ATP8A2: variants seen among roughly 807,000 people sequenced by gnomAD.
The protein encoded by ATP8A2 is ATPase phospholipid transporting 8A2, also known as phospholipid-transporting ATPase IB.
ATP8A2 carries 100 observed loss-of-function variants against 165.6 expected under a neutral mutation model. The ratio of observed to expected loss-of-function variants is 0.60; its 90% CI spans 0.51 to 0.71. ATP8A2 has a LOEUF of 0.71. ATP8A2 is among the 30% of genes least tolerant of loss of function. ATP8A2 has a pLI of 0.00. For missense variants in ATP8A2, 1,227 were observed against 1,479.5 expected (o/e 0.83, Z 2.80); for synonymous variants, 543 against 548.8 (o/e 0.99, Z 0.15).
At chr13:25,598,196 C>T (rs1043417007) in intron 24 of ATP8A2, among the ~76,000 whole-genome samples, 12 of 152,242 alleles carry the variant, frequency 7.9e-5, no homozygotes, top group East Asian at 3.9e-4. Flanking sequence ...GACTCTTCCT[C>T]GACCCTCTAA....
At chr13:25,608,739 C>G (rs1346102700) in intron 24 of ATP8A2, among the ~76,000 whole-genome samples, 1 of 152,174 alleles carries the variant, frequency 6.6e-6, no homozygotes, top group African/African-American at 2.4e-5. Context: ...ACATCTATAT[C>G]TATCTGCATT....
chr13:26,000,562 C>G (rs1956612015), intron 35 of ATP8A2, among the ~76,000 whole-genome samples: 1 of 152,100 alleles, frequency 6.6e-6, no homozygotes, highest in Non-Finnish European at 1.5e-5. Context: ...TTTGTAAGGA[C>G]TTGTATGAGC....
chr13:25,560,318 T>G (rs1374812693), intron 15 of ATP8A2, among the ~76,000 whole-genome samples: 9 of 152,286 alleles, frequency 5.9e-5, no homozygotes, highest in Non-Finnish European at 1.2e-4. Flanking sequence ...CACTCCCTAT[T>G]CCCTGGAGGC....
intron 27 of ATP8A2, among the ~76,000 whole-genome samples, chr13:25,811,966 A>T (rs953679052): frequency 6.6e-6 from 1 of 152,118 alleles, no homozygotes; most frequent in African/African-American, 2.4e-5. Context: ...TTATCTTTTG[A>T]CTTCCTGTTT....
At position 25,769,183 on chromosome 13, in the gene ATP8A2, A is replaced by T; in HGVS notation, c.2522A>T (p.Asn841Ile). The T allele has an allele frequency of 8.1e-6, 13 of 1,613,992 alleles. No individual in the cohort carries two copies. Among genetic ancestry groups the T allele is most frequent in the Non-Finnish European group, 1.1e-5 (13 of 1,179,854 alleles). The change falls in exon 26 of 37, where the codon AAT becomes ATT. Residue 841 changes from asparagine to isoleucine, a missense_variant. Physicochemically the swap from Asn to Ile is moderately radical, Grantham distance 149. Around this residue, in one of 5 missense-constraint regions of ATP8A2, gnomAD observed 592 missense variants for 785.6 expected, o/e 0.75. Transcript: ENST00000381655. ...CACGTGGGTGTGGGAATCAGTGGGAATGAAGGCATGCAGGCCACCAACAAC... is the reference window on the plus strand; with the variant it reads ...CACGTGGGTGTGGGAATCAGTGGGATTGAAGGCATGCAGGCCACCAACAAC... Reference protein sequence around the residue: ...TAHVGVGISGNEGMQATNNSD... With the variant: ...TAHVGVGISGIEGMQATNNSD...
intron 30 of ATP8A2, among the ~76,000 whole-genome samples, chr13:25,842,880 G>C (rs1297157755): frequency 6.6e-6 from 1 of 152,134 alleles, no homozygotes; most frequent in East Asian, 1.9e-4. Context: ...GGCAATTTGG[G>C]AAAATAAACC....
chr13:25,637,611 A>G (rs1289140242), intron 24 of ATP8A2, among the ~76,000 whole-genome samples: 1 of 152,152 alleles, frequency 6.6e-6, no homozygotes, highest in Non-Finnish European at 1.5e-5. Flanking sequence ...GCGGCCAGGA[A>G]GCTCAAACTG....
intron 25 of ATP8A2, among the ~76,000 whole-genome samples, chr13:25,763,258 C>T (rs546479338): frequency 9.2e-5 from 14 of 152,306 alleles, no homozygotes; most frequent in African/African-American, 3.1e-4. Context: ...TTTCAAAATA[C>T]GTCCCACCTT....
At position 25,839,587 on chromosome 13, in the gene ATP8A2, C is replaced by T; in HGVS notation, c.2919C>T (p.Leu973=). 1 of 1,614,124 alleles carries T rather than the reference C, an allele frequency of 6.2e-7. No individual in the cohort carries two copies. The highest frequency in any genetic ancestry group is 8.5e-7 in the Non-Finnish European group (1 of 1,179,994). Reference sequence around the variant, plus strand: ...GCATCAACGCCTTGGTCCACTCCCTCATCCTCTTCTGGTTTCCCATGAAAG... The same window carrying T: ...GCATCAACGCCTTGGTCCACTCCCTTATCCTCTTCTGGTTTCCCATGAAAG... ...GHCINALVHS[L]ILFWFPMKAL... The change falls in exon 30 of 37, where the codon CTC becomes CTT. Residue 973 remains leucine, a synonymous_variant. Transcript: ENST00000381655.
chr13:25,826,494 A>T (rs1184308134), intron 27 of ATP8A2, among the ~76,000 whole-genome samples: 1 of 152,218 alleles, frequency 6.6e-6, no homozygotes, highest in Non-Finnish European at 1.5e-5. Flanking sequence ...ACAGAGCAGC[A>T]TGGGGAAGAA....
At chr13:25,537,863 C>G (rs960989003) in intron 6 of ATP8A2, 125 bp from the exon 7 acceptor site, 1 of 550,646 alleles carries the variant, frequency 1.8e-6, no homozygotes, top group African/African-American at 1.9e-5. Flanking sequence ...TTGGGCTTCT[C>G]TATCTTAAAC....
intron 1 of ATP8A2, among the ~76,000 whole-genome samples, chr13:25,434,796 T>C (rs945736426): frequency 1.3e-5 from 2 of 152,210 alleles, no homozygotes; most frequent in Non-Finnish European, 2.9e-5. Context: ...CCACATGCTA[T>C]AAGAGGTATG....
chr13:25,447,793 A>T (rs998620181), intron 1 of ATP8A2, among the ~76,000 whole-genome samples: 11 of 152,102 alleles, frequency 7.2e-5, no homozygotes, highest in Admixed American at 2.0e-4. Context: ...GAATGCAGAG[A>T]TTTTACTGAG....
rs913843635 is a variant in ATP8A2 at position 25,750,954 on chromosome 13, T to C, written c.2385-18092T>C. On this transcript the variant is annotated intron_variant, in intron 25 of 36. Transcript: ENST00000381655. This position sits in a 1 kb window ranked among gnomAD's most constrained non-coding sequence, Gnocchi z 4.3. ...CTTGGAGGTTTTCAGCACCACAGTG[T>C]ATCAGAGCACTCACAGAGAGCTTGG... Among the ~76,000 whole-genome samples the C allele has an allele frequency of 3.9e-5, 6 of 152,194 alleles. No homozygotes were observed. Among genetic ancestry groups the C allele is most frequent in the African/African-American group, 1.4e-4 (6 of 41,448 alleles).
At chr13:25,871,972 A>C (rs532884268) in intron 33 of ATP8A2, among the ~76,000 whole-genome samples, 9 of 152,230 alleles carry the variant, frequency 5.9e-5, no homozygotes, top group African/African-American at 2.2e-4. Flanking sequence ...CACTTTGCTC[A>C]GCAGGAGCAA....
chr13:25,731,283 A>AGAAAGAGAGAAAGAGAAAGAAGAAAGAAG (rs2043629722), intron 25 of ATP8A2, among the ~76,000 whole-genome samples: 2 of 149,820 alleles, frequency 1.3e-5, no homozygotes, highest in African/African-American at 2.5e-5. Flanking sequence ...AGAAAAAGAA[A>AGAAAGAGAGAAAGAGAAAGAAGAAAGAAG]GAAAGAGAGA....
At chr13:25,664,310 A>G (rs1315478929) in intron 24 of ATP8A2, among the ~76,000 whole-genome samples, 1 of 152,212 alleles carries the variant, frequency 6.6e-6, no homozygotes, top group Non-Finnish European at 1.5e-5. Context: ...GGCCTTAAAT[A>G]TTGATTAGGT....
intron 33 of ATP8A2, among the ~76,000 whole-genome samples, chr13:25,940,525 G>A (rs893558557): frequency 2.0e-5 from 3 of 152,030 alleles, no homozygotes; most frequent in Non-Finnish European, 2.9e-5. Context: ...GCATATTACC[G>A]CCCCCGGTTC....
chr13:25,448,328 T>C (rs1201400161), intron 1 of ATP8A2, among the ~76,000 whole-genome samples: 1 of 152,220 alleles, frequency 6.6e-6, no homozygotes, highest in Admixed American at 6.5e-5. Context: ...TAAAGCTTAG[T>C]TTTTGTTTGA....
Sources: gnomAD v4.1 joint callset for allele counts (sites outside exome capture counted in the v4.1 genomes callset) on GRCh38, gnomAD v4.1.1 for gene constraint, gnomAD v4.1.1 regional missense constraint, Gnocchi (gnomAD v3.1) non-coding constraint, MANE v1.5 for transcripts, NCBI Gene and HGNC (gene_info 2026-07-23, HGNC 2026-07-21) for gene names.